The following MBNL1 variants were observed in gnomAD, a reference collection of about 807,000 sequenced individuals.
MBNL1 encodes the protein muscleblind like splicing regulator 1, also known as muscleblind-like protein 1.
MBNL1 carries 8 observed loss-of-function variants against 42.2 expected under a neutral mutation model. The ratio of observed to expected loss-of-function variants is 0.19; its 90% CI spans 0.11 to 0.34. The LOEUF is 0.34. Among genes scored for constraint, MBNL1 ranks in the 10% least tolerant of loss-of-function variants. The probability of loss-of-function intolerance (pLI) is 1.00; values close to 1 mark genes in which losing one functional copy is unlikely to be tolerated. For synonymous variants in MBNL1, 169 were observed against 173.9 expected (o/e 0.97, Z 0.22); for missense variants, 309 against 495.3 (o/e 0.62, Z 3.57).
intron 3 of MBNL1, among the ~76,000 whole-genome samples, chr3:152,429,792 TTGTGTGTGTGTG>T (rs375863735): frequency 6.7e-6 from 1 of 149,614 alleles, no homozygotes; most frequent in South Asian, 2.1e-4. Context: ...TGGTGTGTGT[TTGTGTGTGTGTG>T]TGTGTGTGTC....
chr3:152,297,757 A>G (rs1396731753), intron 1 of MBNL1, among the ~76,000 whole-genome samples: 1 of 151,958 alleles, frequency 6.6e-6, no homozygotes, highest in East Asian at 1.9e-4. Flanking sequence ...CCCGGGTTCA[A>G]GTGATTCTTC....
intron 2 of MBNL1, among the ~76,000 whole-genome samples, chr3:152,356,880 T>TG (rs1553865138): frequency 7.2e-5 from 11 of 151,734 alleles, no homozygotes; most frequent in African/African-American, 1.7e-4. Context: ...TGTGTGTGTG[T>TG]TCTTACTGTA....
At chr3:152,323,370 A>T (rs1005797909) in intron 2 of MBNL1, among the ~76,000 whole-genome samples, 23 of 152,132 alleles carry the variant, frequency 1.5e-4, no homozygotes, top group African/African-American at 5.5e-4. Context: ...TAAACATACA[A>T]ATATGAATAA....
chr3:152,446,821 T>C, intron 5 of MBNL1: 1 of 1,333,406 alleles, frequency 7.5e-7, no homozygotes, highest in Non-Finnish European at 1.0e-6. Flanking sequence ...GTTTTTTTTT[T>C]AAATCAACTT....
At chr3:152,289,858 G>A (rs1406215979) in intron 1 of MBNL1, among the ~76,000 whole-genome samples, 2 of 152,012 alleles carry the variant, frequency 1.3e-5, no homozygotes, top group Non-Finnish European at 2.9e-5. Flanking sequence ...TGATTATATG[G>A]AATGGAGGAA....
intron 2 of MBNL1, among the ~76,000 whole-genome samples, chr3:152,387,196 C>T (rs1478939578): frequency 1.3e-5 from 2 of 150,548 alleles, no homozygotes; most frequent in Non-Finnish European, 3.0e-5. Flanking sequence ...TATTTCAGAG[C>T]GCTTTATCTG....
chr3:152,384,299 G>A (rs2097314092), intron 2 of MBNL1, among the ~76,000 whole-genome samples: 1 of 151,948 alleles, frequency 6.6e-6, no homozygotes, highest in Non-Finnish European at 1.5e-5. Context: ...ATGTTATCAG[G>A]GCATTAAATT....
At chr3:152,323,684 A>G (rs1018605114) in intron 2 of MBNL1, among the ~76,000 whole-genome samples, 1 of 152,130 alleles carries the variant, frequency 6.6e-6, no homozygotes, top group African/African-American at 2.4e-5. Context: ...ACATAATGTT[A>G]TGTATTTGTG....
intron 5 of MBNL1, among the ~76,000 whole-genome samples, chr3:152,446,432 CT>C (rs1040271160): frequency 3.7e-4 from 55 of 149,150 alleles, no homozygotes; most frequent in Non-Finnish European, 6.4e-4. Flanking sequence ...TCCTTTCACT[CT>C]TTTTTTTTTC....
chr3:152,403,080 C>T (rs1449811298), intron 2 of MBNL1, among the ~76,000 whole-genome samples: 3 of 151,994 alleles, frequency 2.0e-5, no homozygotes, highest in Admixed American at 6.6e-5. Context: ...TTAATGCACC[C>T]GAGCAGAGTG....
chr3:152,332,192 G>A (rs1435024302), intron 2 of MBNL1, among the ~76,000 whole-genome samples: 1 of 152,134 alleles, frequency 6.6e-6, no homozygotes, highest in Non-Finnish European at 1.5e-5. Context: ...AGTCTATCAC[G>A]TGGTAATGCC....
intron 2 of MBNL1, among the ~76,000 whole-genome samples, chr3:152,389,109 A>G (rs906725786): frequency 1.3e-5 from 2 of 151,060 alleles, no homozygotes; most frequent in African/African-American, 2.4e-5. Context: ...TTTTTTTGAG[A>G]TGGAGTTTCA....
Position 152,300,136 on chromosome 3 carries a change from T to TG in MBNL1, c.-51dup, listed in dbSNP as rs1280033764. ...TTTTTTTTTGGTTGTTGCTCTTTTT[T>TG]GGGGGGGTTGGGTTTGTTGGTTTCA... On this transcript the variant is annotated 5_prime_UTR_variant, in exon 2 of 10. Transcript: ENST00000324210. 65 of 1,179,814 alleles carry TG rather than the reference T, an allele frequency of 5.5e-5. No individual in the cohort carries two copies. Among genetic ancestry groups the TG allele is most frequent in the Admixed American group, 5.2e-5 (2 of 38,432 alleles). 73.1% of individuals were successfully genotyped at this position (1,179,814 alleles called of 1,614,324 possible).
chr3:152,414,182 C>T (rs1232340493), intron 2 of MBNL1, among the ~76,000 whole-genome samples: 4 of 152,226 alleles, frequency 2.6e-5, no homozygotes, highest in African/African-American at 9.6e-5. Flanking sequence ...AGAGGTAGTG[C>T]ACCGCCATTC....
intron 2 of MBNL1, among the ~76,000 whole-genome samples, chr3:152,376,450 A>C (rs1225995946): frequency 6.6e-6 from 1 of 152,208 alleles, no homozygotes; most frequent in African/African-American, 2.4e-5. Flanking sequence ...CTTAAAAAAG[A>C]AGCTCTTGAG....
intron 2 of MBNL1, among the ~76,000 whole-genome samples, chr3:152,393,393 A>G (rs1002935151): frequency 6.6e-5 from 10 of 152,186 alleles, no homozygotes; most frequent in African/African-American, 1.9e-4. Flanking sequence ...GGGCATGATA[A>G]TTTTAGGCCT....
chr3:152,258,313 T>C (rs1033482373), intron 2 of MBNL1, among the ~76,000 whole-genome samples: 7 of 152,208 alleles, frequency 4.6e-5, no homozygotes, highest in Non-Finnish European at 7.3e-5. Context: ...TTATCATAAT[T>C]CCACAAGGTA....
intron 4 of MBNL1, among the ~76,000 whole-genome samples, chr3:152,442,715 T>C (rs2099160632): frequency 6.6e-6 from 1 of 152,242 alleles, no homozygotes; most frequent in Non-Finnish European, 1.5e-5. Context: ...GATCCCATTT[T>C]ATTGATGATG....
In MBNL1 at chr3:152,307,462, A is replaced by T. The variant is rs116660771; in HGVS notation, c.174+7095A>T. ...TCTTATTTTTTCCGTATGGAGTAAA[A>T]TAACAAGGTGAGTTAATATTTATTG... On this transcript the variant is annotated intron_variant, in intron 2 of 9. Transcript: ENST00000324210. 4.1e-3 allele frequency among the ~76,000 whole-genome samples: 626 copies of T among 152,346 alleles called. 4 individuals are homozygous for T. The highest frequency in any genetic ancestry group is 0.014 in the African/African-American group (600 of 41,578).
Sources: gnomAD v4.1 joint callset for allele counts (sites outside exome capture counted in the v4.1 genomes callset) on GRCh38, gnomAD v4.1.1 for gene constraint, MANE v1.5 for transcripts, NCBI Gene and HGNC (gene_info 2026-07-23, HGNC 2026-07-21) for gene names.